PLB1: variants seen among roughly 807,000 people sequenced by gnomAD.
PLB1 encodes phospholipase B1, membrane-associated.
A neutral mutation model predicts 227.4 loss-of-function variants in PLB1; 242 were observed. The ratio of observed to expected loss-of-function variants is 1.06; its 90% CI spans 0.96 to 1.18. The LOEUF is 1.18. Ranked by LOEUF, PLB1 falls within the 50% of genes most tolerant of loss-of-function variation. The pLI, the probability that PLB1 is intolerant of heterozygous loss-of-function variation, is 0.00. For synonymous variants in PLB1, 757 were observed against 682.2 expected, an observed-to-expected ratio of 1.11 and a Z score of -1.71; for missense variants, 1,858 against 1,816.3, an observed-to-expected ratio of 1.02 and a Z score of -0.42.
At chr2:28,504,506 G>A (rs1241039582) in intron 1 of PLB1, among the ~76,000 whole-genome samples, 1 of 152,188 alleles carries the variant, frequency 6.6e-6, no homozygotes, top group Non-Finnish European at 1.5e-5. Context: ...ACTTTGGGAG[G>A]CTGAGGCAGG....
chr2:28,562,357 C>T (rs1469993188), intron 17 of PLB1, among the ~76,000 whole-genome samples: 2 of 151,928 alleles, frequency 1.3e-5, no homozygotes, highest in East Asian at 1.9e-4. Flanking sequence ...TCCTGGCCAA[C>T]ATGGGGAAAC....
chr2:28,630,398 C>T (rs896609506), intron 53 of PLB1, among the ~76,000 whole-genome samples, 188 bp from the exon 54 acceptor site: 7 of 152,206 alleles, frequency 4.6e-5, no homozygotes, highest in Non-Finnish European at 1.0e-4. Context: ...CATTCTGTAA[C>T]CTGGGTCCAA....
chr2:28,643,126 C>G lies in PLB1; in HGVS notation c.*65C>G. On this transcript the variant is annotated 3_prime_UTR_variant, in exon 58 of 58. Transcript: ENST00000327757. Reference sequence around the variant, plus strand: ...CTCTCTTCACCGCCCTCTGCCCCAGCCACTCCCGGCCACCAGGACATGCTT... The same window carrying G: ...CTCTCTTCACCGCCCTCTGCCCCAGGCACTCCCGGCCACCAGGACATGCTT... 7.1e-7 allele frequency: 1 copy of G among 1,406,872 alleles called. No homozygotes were observed. Among genetic ancestry groups the G allele is most frequent in the Non-Finnish European group, 9.5e-7 (1 of 1,051,956 alleles). The allele number at this position is 1,406,872 out of a possible 1,614,324, so 87.1% of individuals were successfully genotyped here.
chr2:28,598,009 G>C lies in PLB1; in HGVS notation c.2326G>C (p.Gly776Arg). ...TGGCTTGCTCACTCCCTACAGTGCA[G>C]GAGGGGACGGCTCCCTGGAGAATGT... is the stretch of plus-strand genomic sequence containing the variant. ...TQYRGLSYSA[G>R]GDGSLENVTT... The change falls in exon 34 of 58, where the codon GGA becomes CGA. Residue 776 changes from glycine to arginine, a missense_variant. Transcript: ENST00000327757. The C allele has an allele frequency of 1.2e-6, 2 of 1,613,148 alleles. No homozygotes were observed. The highest frequency in any genetic ancestry group is 1.7e-6 in the Non-Finnish European group (2 of 1,179,130).
chr2:28,548,830 C>A, intron 14 of PLB1, 30 bp from the exon 15 acceptor site: 1 of 1,612,468 alleles, frequency 6.2e-7, no homozygotes, highest in South Asian at 1.1e-5. Context: ...CACAAAACTT[C>A]CCTGTTCTAA....
intron 21 of PLB1, among the ~76,000 whole-genome samples, chr2:28,577,499 C>G (rs1422249635): frequency 6.6e-6 from 1 of 152,214 alleles, no homozygotes; most frequent in African/African-American, 2.4e-5. Flanking sequence ...CCTGAACAAG[C>G]CTGGCTTGGA....
intron 38 of PLB1, 29 bp from the exon 39 acceptor site, chr2:28,602,792 C>G: frequency 5.2e-5 from 83 of 1,587,402 alleles, no homozygotes; most frequent in Non-Finnish European, 6.3e-5. Flanking sequence ...TGCCTGGAGC[C>G]CCCCTCTCAT....
intron 56 of PLB1, among the ~76,000 whole-genome samples, chr2:28,635,017 A>G (rs982171945): frequency 6.6e-6 from 1 of 152,238 alleles, no homozygotes; most frequent in Non-Finnish European, 1.5e-5. Context: ...TTTCATAAAG[A>G]TAAGTGGGAG....
chr2:28,614,294 GACGTCAGCCCCCA>G (rs1334835469), intron 44 of PLB1, among the ~76,000 whole-genome samples, 198 bp downstream of exon 44: 1 of 152,140 alleles, frequency 6.6e-6, no homozygotes, highest in Non-Finnish European at 1.5e-5. Context: ...TTGCTTACCT[GACGTCAGCCCCCA>G]AGCAGAGGAA....
intron 1 of PLB1, among the ~76,000 whole-genome samples, chr2:28,508,750 T>C (rs1030964534): frequency 6.6e-6 from 1 of 152,186 alleles, no homozygotes; most frequent in African/African-American, 2.4e-5. Context: ...CTTGCTGGTG[T>C]GGTCTGCATG....
chr2:28,641,733 C>T (rs193173279), intron 57 of PLB1, among the ~76,000 whole-genome samples: 37 of 152,248 alleles, frequency 2.4e-4, no homozygotes, highest in African/African-American at 8.7e-4. Context: ...TCCCTCGCCA[C>T]ACCCACTGCC....
At chr2:28,596,320 A>G (rs1312450634) in intron 33 of PLB1, among the ~76,000 whole-genome samples, 2 of 152,304 alleles carry the variant, frequency 1.3e-5, no homozygotes, top group Non-Finnish European at 2.9e-5. Context: ...GAGAGTTTGA[A>G]TATTTTTGCG....
At chr2:28,590,972 C>T (rs1233930992) in intron 29 of PLB1, among the ~76,000 whole-genome samples, 161 bp from the exon 30 acceptor site, 2 of 152,192 alleles carry the variant, frequency 1.3e-5, no homozygotes, top group Non-Finnish European at 2.9e-5. Context: ...GCAGAGACGG[C>T]CCCCTGCATC....
chr2:28,565,293 C>A lies in PLB1; in HGVS notation c.1220C>A (p.Ala407Asp). ...GTTCCCTCTCAGGCAGGCAATGGGG[C>A]CGGGTCCACACCTGGGAACGTCTTG... ...LGDSLTAGNG[A>D]GSTPGNVLDV... Residue 407 changes from alanine (A) to aspartate (D), a missense_variant, in exon 19 of 58, where the codon GCC (alanine) becomes GAC (aspartate). Transcript: ENST00000327757. 1 of 1,611,874 alleles carries A rather than the reference C, an allele frequency of 6.2e-7. No individual in the cohort carries two copies. The highest frequency in any genetic ancestry group is 1.6e-4 in the Middle Eastern group (1 of 6,062).
At chr2:28,538,268 C>T in intron 9 of PLB1, 51 bp from the exon 10 acceptor site, 2 of 1,613,250 alleles carry the variant, frequency 1.2e-6, no homozygotes, top group Non-Finnish European at 1.7e-6. Flanking sequence ...GTGGCCTCAC[C>T]TCGTGGTCCT....
intron 33 of PLB1, 78 bp downstream of exon 33, chr2:28,593,832 T>A: frequency 7.6e-7 from 1 of 1,308,502 alleles, no homozygotes; most frequent in Non-Finnish European, 1.1e-6. Flanking sequence ...TGTAAATATG[T>A]AAATCCCAGA....
chr2:28,560,233 A>G (rs1453184325), intron 17 of PLB1, among the ~76,000 whole-genome samples: 1 of 152,108 alleles, frequency 6.6e-6, no homozygotes, highest in African/African-American at 2.4e-5. Flanking sequence ...GCGTTGTGCC[A>G]CTAGACACAA....
intron 42 of PLB1, 149 bp downstream of exon 42, chr2:28,606,097 TA>T: frequency 1.5e-6 from 1 of 664,254 alleles, no homozygotes; most frequent in Non-Finnish European, 2.6e-6. Flanking sequence ...GCGGAGTCCT[TA>T]AGAGTCTGCT....
intron 44 of PLB1, among the ~76,000 whole-genome samples, chr2:28,616,907 C>T (rs917137883): frequency 2.0e-5 from 3 of 151,934 alleles, no homozygotes; most frequent in African/African-American, 7.3e-5. Context: ...GTTTTCATAG[C>T]ATCTGGCAGT....
Sources: gnomAD v4.1 joint callset for allele counts (sites outside exome capture counted in the v4.1 genomes callset) on GRCh38, gnomAD v4.1.1 for gene constraint, MANE v1.5 for transcripts, NCBI Gene and HGNC (gene_info 2026-07-23, HGNC 2026-07-21) for gene names.